Variants in SLC1A1 observed in about 807,000 individuals in gnomAD.
SLC1A1 encodes solute carrier family 1 member 1.
Under a neutral mutation model 53.3 loss-of-function variants are expected in SLC1A1, and 43 were observed. The ratio of observed to expected loss-of-function variants is 0.81; its 90% CI spans 0.63 to 1.04. The LOEUF (loss-of-function observed/expected upper bound fraction) is 1.04. Ranked by LOEUF, SLC1A1 falls within the 50% of genes least tolerant of loss-of-function variation. SLC1A1 has a pLI of 0.00. For missense variants in SLC1A1, 748 were observed against 664.9 expected, an observed-to-expected ratio of 1.12 and a Z score of -1.37; for synonymous variants, 307 against 243.2, an observed-to-expected ratio of 1.26 and a Z score of -2.44.
At chr9:4,507,377 G>A (rs1239288930) in intron 1 of SLC1A1, among the ~76,000 whole-genome samples, 2 of 152,130 alleles carry the variant, frequency 1.3e-5, no homozygotes, top group Non-Finnish European at 2.9e-5. Flanking sequence ...GACCTTTAAT[G>A]TAATCCACTG....
chr9:4,555,554 G>A (rs1036661082), intron 2 of SLC1A1, among the ~76,000 whole-genome samples: 1 of 152,188 alleles, frequency 6.6e-6, no homozygotes, highest in Non-Finnish European at 1.5e-5. Context: ...CTCCTGAGGT[G>A]AAAAAAGCAA....
chr9:4,567,978 C>T (rs560009237), intron 6 of SLC1A1, among the ~76,000 whole-genome samples: 43 of 152,262 alleles, frequency 2.8e-4, no homozygotes, highest in African/African-American at 9.4e-4. Flanking sequence ...TTGAGTCACC[C>T]GACAGGCACG....
intron 2 of SLC1A1, among the ~76,000 whole-genome samples, chr9:4,545,105 C>A (rs1338784830): frequency 6.6e-6 from 1 of 151,798 alleles, no homozygotes; most frequent in Non-Finnish European, 1.5e-5. Flanking sequence ...CAAAGCCTAA[C>A]CATGTCATTC....
Position 4,538,624 on chromosome 9 carries a change from AGAGC to A in SLC1A1, c.92-5942_92-5939del, listed in dbSNP as rs1327452619. Among the ~76,000 whole-genome samples the A allele has an allele frequency of 3.9e-5, 6 of 152,352 alleles. No homozygotes were observed. The East Asian group carries it at 1.2e-3, about 29-fold the overall frequency. Reference sequence around the variant, plus strand: ...TTTTGCATTTATTTTTATTGCAGGCAGAGCTGCTATAATATATTGCCAGTATAGT... The same window carrying A: ...TTTTGCATTTATTTTTATTGCAGGCATGCTATAATATATTGCCAGTATAGT... On this transcript the variant is annotated intron_variant, in intron 1 of 11. Coordinates refer to ENST00000262352, the MANE Select transcript of SLC1A1 (RefSeq NM_004170.6).
chr9:4,571,509 C>G (rs1820045719), intron 6 of SLC1A1, among the ~76,000 whole-genome samples: 1 of 152,068 alleles, frequency 6.6e-6, no homozygotes, highest in Admixed American at 6.6e-5. Context: ...AACCCTGTCT[C>G]TACTAAAAAT....
At position 4,585,953 on chromosome 9, in the gene SLC1A1, G is replaced by T; in HGVS notation, c.*395G>T. The T allele has an allele frequency of 1.0e-5, 2 of 195,588 alleles. No individual in the cohort carries two copies. Among genetic ancestry groups the T allele is most frequent in the East Asian group, 1.4e-4 (1 of 7,098 alleles). 12.1% of individuals were successfully genotyped at this position (195,588 alleles called of 1,614,324 possible). ...TCATTGGTTACAAATTTTTACTCAG[G>T]CTTTCTATTGGCATGGATTTCCTTT... On this transcript the variant is annotated 3_prime_UTR_variant, in exon 12 of 12. Coordinates refer to ENST00000262352, the MANE Select transcript of SLC1A1 (RefSeq NM_004170.6).
chr9:4,499,894 G>A (rs1202152616), intron 1 of SLC1A1, among the ~76,000 whole-genome samples: 2 of 152,208 alleles, frequency 1.3e-5, no homozygotes, highest in Non-Finnish European at 2.9e-5. Flanking sequence ...ATTTTTGTGT[G>A]CAAATTCAGG....
chr9:4,562,174 T>A (rs1409519024), intron 3 of SLC1A1, among the ~76,000 whole-genome samples: 1 of 150,470 alleles, frequency 6.6e-6, no homozygotes, highest in Non-Finnish European at 1.5e-5. Flanking sequence ...TGGGTTCAAA[T>A]GATTCTCCTG....
chr9:4,515,120 C>T (rs1821121662), intron 1 of SLC1A1, among the ~76,000 whole-genome samples: 1 of 151,920 alleles, frequency 6.6e-6, no homozygotes, highest in South Asian at 2.1e-4. Context: ...ATGGCAGCTT[C>T]AAGGCAGCTG....
intron 1 of SLC1A1, among the ~76,000 whole-genome samples, chr9:4,496,281 G>C (rs1274125878): frequency 6.6e-6 from 1 of 152,142 alleles, no homozygotes; most frequent in Non-Finnish European, 1.5e-5. Flanking sequence ...ACAGCGTTGG[G>C]GATACAAAGG....
chr9:4,541,968 T>C (rs1817051682), intron 1 of SLC1A1, among the ~76,000 whole-genome samples: 1 of 152,158 alleles, frequency 6.6e-6, no homozygotes, highest in African/African-American at 2.4e-5. Context: ...CTTCTGGTGA[T>C]TTTCCTCATC....
At position 4,576,048 on chromosome 9, in the gene SLC1A1, T is replaced by C. The variant is rs1305320544; in HGVS notation, c.923T>C (p.Val308Ala). The C allele has an allele frequency of 1.9e-6, 3 of 1,613,784 alleles. No individual in the cohort carries two copies. The highest frequency in any genetic ancestry group is 4.5e-5 in the East Asian group (2 of 44,890). ...IVILPLIYFI[V>A]VRKNPFRFAM... is the part of the protein sequence containing the mutation. ...ATTCTCCCGCTGATATATTTCATAGTCGTACGAAAGAACCCTTTCCGATTT... is the reference window on the plus strand; with the variant it reads ...ATTCTCCCGCTGATATATTTCATAGCCGTACGAAAGAACCCTTTCCGATTT... The change falls in exon 9 of 12, where the codon GTC becomes GCC. Residue 308 changes from valine to alanine, a missense_variant. Coordinates refer to ENST00000262352, the MANE Select transcript of SLC1A1 (RefSeq NM_004170.6).
intron 1 of SLC1A1, among the ~76,000 whole-genome samples, chr9:4,496,750 A>G (rs1439553128): frequency 6.6e-6 from 1 of 152,106 alleles, no homozygotes. Flanking sequence ...AAATTAAATT[A>G]GCCAGGCACG....
intron 1 of SLC1A1, among the ~76,000 whole-genome samples, chr9:4,500,370 G>T (rs1197326586): frequency 2.0e-5 from 3 of 152,084 alleles, no homozygotes; most frequent in African/African-American, 7.2e-5. Context: ...GTGCAGTAGT[G>T]CGATCTCGGC....
At chr9:4,502,714 C>A (rs953312242) in intron 1 of SLC1A1, among the ~76,000 whole-genome samples, 20 of 151,828 alleles carry the variant, frequency 1.3e-4, no homozygotes, top group African/African-American at 4.6e-4. Context: ...AATCATTAAG[C>A]AAGTCTTCTT....
chr9:4,577,461 C>T (rs1358199134), intron 10 of SLC1A1, among the ~76,000 whole-genome samples: 1 of 152,152 alleles, frequency 6.6e-6, no homozygotes, highest in African/African-American at 2.4e-5. Context: ...ATATTATGGA[C>T]AGATTTGCAT....
intron 1 of SLC1A1, among the ~76,000 whole-genome samples, chr9:4,509,252 G>T (rs186121168): frequency 6.6e-5 from 10 of 152,252 alleles, no homozygotes; most frequent in African/African-American, 2.4e-4. Context: ...GCTGGGATTG[G>T]GGGGTGAGAA....
intron 1 of SLC1A1, among the ~76,000 whole-genome samples, chr9:4,515,266 C>T (rs1586702902): frequency 1.3e-5 from 2 of 152,180 alleles, no homozygotes; most frequent in South Asian, 2.1e-4. Context: ...AAGGTGATCA[C>T]GAAGGCCAAC....
At chr9:4,564,256 C>T in intron 3 of SLC1A1, 88 bp from the exon 4 acceptor site, 2 of 895,996 alleles carry the variant, frequency 2.2e-6, no homozygotes, top group East Asian at 2.6e-5. Context: ...TTGCCTGGTA[C>T]AACCATGCCC....
Sources: gnomAD v4.1 joint callset for allele counts (sites outside exome capture counted in the v4.1 genomes callset) on GRCh38, gnomAD v4.1.1 for gene constraint, MANE v1.5 for transcripts, NCBI Gene and HGNC (gene_info 2026-07-23, HGNC 2026-07-21) for gene names.